GRID1: variants seen among roughly 807,000 people sequenced by gnomAD.
GRID1 encodes the protein glutamate ionotropic receptor delta type subunit 1.
GRID1 carries 28 observed loss-of-function variants against 98.0 expected under a neutral mutation model. The ratio of observed to expected loss-of-function variants is 0.29; its 90% CI spans 0.21 to 0.39. GRID1 has a LOEUF of 0.39. Ranked by LOEUF, GRID1 falls within the 10% of genes least tolerant of loss-of-function variation. The probability of loss-of-function intolerance (pLI) is 1.00; values close to 1 mark genes in which losing one functional copy is unlikely to be tolerated. For missense variants in GRID1, 1,111 were observed against 1,340.5 expected (o/e 0.83, Z 2.67); for synonymous variants, 553 against 538.5 (o/e 1.03, Z -0.37).
chr10:85,997,405 A>G (rs925323912), intron 4 of GRID1, among the ~76,000 whole-genome samples: 3 of 152,114 alleles, frequency 2.0e-5, no homozygotes, highest in Admixed American at 6.5e-5. Flanking sequence ...TCTCAAAAAA[A>G]AAAAAAATTA....
intron 4 of GRID1, among the ~76,000 whole-genome samples, chr10:86,100,581 C>T (rs373444036): frequency 5.9e-5 from 9 of 152,080 alleles, no homozygotes; most frequent in Admixed American, 5.9e-4. Flanking sequence ...AAGCTGGGGG[C>T]TAAAGTTTTC....
intron 8 of GRID1, among the ~76,000 whole-genome samples, chr10:85,841,648 A>T (rs1842962219): frequency 6.6e-6 from 1 of 152,128 alleles, no homozygotes; most frequent in East Asian, 1.9e-4. Context: ...AAAAGAAAAC[A>T]TTAAAAAGTG....
intron 12 of GRID1, among the ~76,000 whole-genome samples, chr10:85,712,961 A>T (rs1272085371): frequency 6.6e-6 from 1 of 151,772 alleles, no homozygotes; most frequent in East Asian, 1.9e-4. Flanking sequence ...AAACTACATT[A>T]AAAAAGAAAC....
chr10:85,813,200 T>G (rs35998297), intron 8 of GRID1, among the ~76,000 whole-genome samples: 10,498 of 151,312 alleles, frequency 0.069, 399 homozygotes, highest in Non-Finnish European at 0.081. Flanking sequence ...ACATTCCAAA[T>G]TTGATAAAAT....
chr10:86,006,139 TC>T (rs1309617767), intron 4 of GRID1, among the ~76,000 whole-genome samples: 1 of 152,166 alleles, frequency 6.6e-6, no homozygotes, highest in Non-Finnish European at 1.5e-5. Flanking sequence ...GAATACAAAG[TC>T]CTAAAACAGA....
At chr10:85,744,610 T>TA (rs1446455763) in intron 8 of GRID1, among the ~76,000 whole-genome samples, 1 of 117,726 alleles carries the variant, frequency 8.5e-6, no homozygotes, top group Non-Finnish European at 1.7e-5. Context: ...CCTAAAACCA[T>TA]AAAAACCCTA....
At chr10:86,083,261 G>A (rs1447790299) in intron 4 of GRID1, among the ~76,000 whole-genome samples, 1 of 152,206 alleles carries the variant, frequency 6.6e-6, no homozygotes, top group Non-Finnish European at 1.5e-5. Flanking sequence ...AAGGGTACCA[G>A]GGCTCTCGTA....
chr10:85,620,589 C>G (rs559348011), intron 13 of GRID1, among the ~76,000 whole-genome samples: 1 of 152,294 alleles, frequency 6.6e-6, no homozygotes, highest in African/African-American at 2.4e-5. Flanking sequence ...CAAGCACAAG[C>G]ACATGTCTAG....
At chr10:85,786,225 A>G (rs1245669993) in intron 8 of GRID1, among the ~76,000 whole-genome samples, 1 of 152,212 alleles carries the variant, frequency 6.6e-6, no homozygotes, top group Non-Finnish European at 1.5e-5. Flanking sequence ...GTGACACGAT[A>G]TGATTTTAGT....
chr10:85,827,496 G>C (rs995596084), intron 8 of GRID1, among the ~76,000 whole-genome samples: 1 of 152,086 alleles, frequency 6.6e-6, no homozygotes, highest in South Asian at 2.1e-4. Flanking sequence ...AATGTGAAGA[G>C]ACCAAATCTA....
intron 5 of GRID1, among the ~76,000 whole-genome samples, chr10:85,888,833 T>C (rs1009616673): frequency 6.6e-6 from 1 of 152,192 alleles, no homozygotes; most frequent in African/African-American, 2.4e-5. Context: ...CTGAGCTTCC[T>C]GCTTCTGCCA....
intron 3 of GRID1, among the ~76,000 whole-genome samples, chr10:86,179,333 G>A (rs1162731313): frequency 2.0e-5 from 3 of 149,856 alleles, no homozygotes; most frequent in Non-Finnish European, 3.0e-5. Context: ...CTTTCTCCTT[G>A]CTCTCCTGGG....
At chr10:86,262,653 A>G (rs891927899) in intron 2 of GRID1, among the ~76,000 whole-genome samples, 16 of 152,092 alleles carry the variant, frequency 1.1e-4, no homozygotes, top group Admixed American at 7.9e-4. Context: ...CTGTTAACAA[A>G]CTGAGCTCAG....
intron 4 of GRID1, among the ~76,000 whole-genome samples, chr10:86,107,730 C>T (rs1197967497): frequency 1.3e-5 from 2 of 152,188 alleles, no homozygotes; most frequent in Non-Finnish European, 2.9e-5. Flanking sequence ...CGGGGGAACA[C>T]ACAGGTGGCT....
chr10:85,915,887 C>T (rs544238986), intron 5 of GRID1, among the ~76,000 whole-genome samples: 1 of 152,266 alleles, frequency 6.6e-6, no homozygotes, highest in East Asian at 1.9e-4. Context: ...TTGCTCCAGC[C>T]CCTGGCTCCC....
At chr10:86,101,841 A>T (rs946697721) in intron 4 of GRID1, among the ~76,000 whole-genome samples, 1 of 151,764 alleles carries the variant, frequency 6.6e-6, no homozygotes, top group Non-Finnish European at 1.5e-5. Context: ...TTTTGTAGAG[A>T]CAGAGTCTCA....
At chr10:86,038,260 T>C (rs2131897277) in intron 4 of GRID1, among the ~76,000 whole-genome samples, 1 of 152,290 alleles carries the variant, frequency 6.6e-6, no homozygotes, top group East Asian at 1.9e-4. Context: ...AGTTTCAAGC[T>C]ATCAGTGTAA....
At chr10:86,301,006 G>A (rs1227429063) in intron 2 of GRID1, among the ~76,000 whole-genome samples, 2 of 152,248 alleles carry the variant, frequency 1.3e-5, no homozygotes, top group Admixed American at 6.5e-5. Flanking sequence ...CGGTCTTGGA[G>A]AAGTTGCTGA....
intron 12 of GRID1, among the ~76,000 whole-genome samples, chr10:85,689,995 C>T (rs1841314791): frequency 6.6e-6 from 1 of 151,976 alleles, no homozygotes; most frequent in Non-Finnish European, 1.5e-5. Flanking sequence ...AACCTAAATG[C>T]AGAAAAGCTG....
Sources: allele counts gnomAD v4.1 joint callset (sites outside exome capture counted in the v4.1 genomes callset), GRCh38; gene constraint gnomAD v4.1.1; transcripts MANE v1.5; gene names NCBI Gene and HGNC (gene_info 2026-07-23, HGNC 2026-07-21).